Variants in NEO1 observed in about 807,000 individuals in gnomAD.
The protein encoded by NEO1 is neogenin.
A neutral mutation model predicts 159.7 loss-of-function variants in NEO1; 63 were observed. The observed-to-expected ratio is 0.39, with a 90% CI of 0.32 to 0.49. The LOEUF (loss-of-function observed/expected upper bound fraction) is 0.49. Ranked by LOEUF, NEO1 falls within the 20% of genes least tolerant of loss-of-function variation. NEO1 has a pLI of 0.85. For synonymous variants in NEO1, 633 were observed against 662.0 expected (o/e 0.96, Z 0.67); for missense variants, 1,615 against 1,831.0 (o/e 0.88, Z 2.15).
At chr15:73,230,669 C>A (rs1463100670) in intron 7 of NEO1, among the ~76,000 whole-genome samples, 1 of 152,188 alleles carries the variant, frequency 6.6e-6, no homozygotes, top group Non-Finnish European at 1.5e-5. Context: ...TGACCCACTG[C>A]AGCCTCAACC....
intron 11 of NEO1, among the ~76,000 whole-genome samples, chr15:73,250,088 A>G (rs1289770829): frequency 6.6e-6 from 1 of 152,050 alleles, no homozygotes; most frequent in African/African-American, 2.4e-5. Context: ...TAGCAATGAT[A>G]TTTGCATGCC....
At chr15:73,291,642 G>A (rs915948992) in intron 25 of NEO1, among the ~76,000 whole-genome samples, 3 of 152,172 alleles carry the variant, frequency 2.0e-5, no homozygotes, top group African/African-American at 7.2e-5. Context: ...GCAGTGCCAG[G>A]AAGGGTTTGC....
chr15:73,257,482 C>T (rs1489447439), intron 13 of NEO1, among the ~76,000 whole-genome samples: 1 of 152,014 alleles, frequency 6.6e-6, no homozygotes, highest in Non-Finnish European at 1.5e-5. Flanking sequence ...CAACGTTGAA[C>T]AAAAATGGAG....
rs1355272859 is a variant in NEO1, at chr15:73,101,404, C to G, written c.131-15136C>G. Among the ~76,000 whole-genome samples the G allele has an allele frequency of 2.0e-5, 3 of 152,226 alleles. No homozygotes were observed. In the South Asian group the frequency reaches 6.2e-4, roughly 31 times the overall value. On this transcript the variant is annotated intron_variant, in intron 1 of 28. Transcript: ENST00000261908. ...AAATTCTGGAGTATGCACGCTCTCA[C>G]GCGCACGCGTGCGCACACACGCTCT...
At chr15:73,161,966 GT>G (rs895200578) in intron 5 of NEO1, 22 of 209,342 alleles carry the variant, frequency 1.1e-4, no homozygotes, top group Non-Finnish European at 1.6e-4. Context: ...AAGTTTGTTT[GT>G]TTTTTTTTCT....
chr15:73,274,121 T>A, intron 20 of NEO1, 116 bp downstream of exon 20: 3 of 976,032 alleles, frequency 3.1e-6, no homozygotes, highest in Non-Finnish European at 4.5e-6. Flanking sequence ...ATGATGAGCT[T>A]GTGAGCCATG....
rs1198149602 is a variant in NEO1 at position 73,206,178 on chromosome 15, A to T, written c.1291+27751A>T. On this transcript the variant is annotated intron_variant, in intron 7 of 28. Transcript: ENST00000261908. Reference sequence around the variant, plus strand: ...CACCCCAGCCTCCCAAAGTGCTGGGATTACAGGCATGAGCCACCACACCTG... The same window carrying T: ...CACCCCAGCCTCCCAAAGTGCTGGGTTTACAGGCATGAGCCACCACACCTG... Among the ~76,000 whole-genome samples, 3 of 152,172 alleles carry T rather than the reference A, an allele frequency of 2.0e-5. No individual in the cohort carries two copies. In the East Asian group the frequency reaches 5.8e-4, roughly 29 times the overall value.
intron 1 of NEO1, among the ~76,000 whole-genome samples, chr15:73,089,365 A>G (rs1220724975): frequency 6.6e-6 from 1 of 152,144 alleles, no homozygotes; most frequent in Non-Finnish European, 1.5e-5. Flanking sequence ...TCTTAGAGAA[A>G]AAATATCTCC....
intron 23 of NEO1, among the ~76,000 whole-genome samples, chr15:73,285,607 TTTC>T (rs1236633374): frequency 6.6e-6 from 1 of 152,198 alleles, no homozygotes; most frequent in Non-Finnish European, 1.5e-5. Context: ...TCTTCCTACT[TTTC>T]TTCCTCTGTA....
At chr15:73,169,643 C>CTTT (rs35991255) in intron 5 of NEO1, among the ~76,000 whole-genome samples, 1,609 of 105,116 alleles carry the variant, frequency 0.015, 28 homozygotes, top group East Asian at 0.02. Flanking sequence ...CTCCCCCCTC[C>CTTT]TTTTTTTTTT....
intron 23 of NEO1, among the ~76,000 whole-genome samples, chr15:73,285,238 G>C (rs1304994212): frequency 6.6e-6 from 1 of 151,978 alleles, no homozygotes; most frequent in African/African-American, 2.4e-5. Flanking sequence ...TCCTGCCTCA[G>C]CCTCCCAAGT....
At chr15:73,188,591 A>T (rs1008897059) in intron 7 of NEO1, among the ~76,000 whole-genome samples, 1 of 152,072 alleles carries the variant, frequency 6.6e-6, no homozygotes, top group Non-Finnish European at 1.5e-5. Context: ...TCAATTACTA[A>T]TGCTCATATT....
intron 5 of NEO1, among the ~76,000 whole-genome samples, chr15:73,150,530 C>A (rs2033285250): frequency 6.6e-6 from 1 of 152,120 alleles, no homozygotes; most frequent in Non-Finnish European, 1.5e-5. Flanking sequence ...TTATATTAAT[C>A]AATCTAAATT....
intron 1 of NEO1, among the ~76,000 whole-genome samples, chr15:73,102,377 T>A (rs540194729): frequency 1.1e-4 from 17 of 151,808 alleles, no homozygotes; most frequent in African/African-American, 3.1e-4. Context: ...AAAAAAAAAA[T>A]TTAATAAGGT....
intron 8 of NEO1, among the ~76,000 whole-genome samples, chr15:73,236,876 G>A (rs1015284831): frequency 2.0e-5 from 3 of 152,082 alleles, no homozygotes; most frequent in East Asian, 1.9e-4. Flanking sequence ...TGTGGGCTGC[G>A]GAGCTCCAGG....
intron 8 of NEO1, among the ~76,000 whole-genome samples, chr15:73,242,257 T>C (rs1236045858): frequency 6.6e-6 from 1 of 152,254 alleles, no homozygotes; most frequent in Non-Finnish European, 1.5e-5. Context: ...AGTAGCCTAC[T>C]GTTGACTGGA....
intron 7 of NEO1, among the ~76,000 whole-genome samples, chr15:73,194,293 C>G (rs1442947822): frequency 6.6e-6 from 1 of 152,076 alleles, no homozygotes; most frequent in African/African-American, 2.4e-5. Flanking sequence ...GAGAGAGAGG[C>G]TTTCTTTTTA....
chr15:73,237,142 T>G (rs117933621), intron 8 of NEO1, among the ~76,000 whole-genome samples: 1,864 of 121,268 alleles, frequency 0.015, 25 homozygotes, highest in East Asian at 0.054. Flanking sequence ...TGTGTCCTCT[T>G]CAGTCACTTC....
intron 4 of NEO1, among the ~76,000 whole-genome samples, chr15:73,132,071 T>G (rs1299677175): frequency 6.6e-6 from 1 of 152,226 alleles, no homozygotes; most frequent in Non-Finnish European, 1.5e-5. Flanking sequence ...TAGAGTTATC[T>G]TCTATGTCTG....
Sources: gnomAD v4.1 joint callset for allele counts (sites outside exome capture counted in the v4.1 genomes callset) on GRCh38, gnomAD v4.1.1 for gene constraint, MANE v1.5 for transcripts, NCBI Gene and HGNC (gene_info 2026-07-23, HGNC 2026-07-21) for gene names.